Variants in ADAMTS18 observed in about 807,000 individuals in gnomAD.
ADAMTS18 encodes A disintegrin and metalloproteinase with thrombospondin motifs 18.
In ADAMTS18, 157 loss-of-function variants were observed where a neutral mutation model predicts 165.9. The observed-to-expected ratio is 0.95, with a 90% CI of 0.83 to 1.08. The LOEUF is 1.08. ADAMTS18 is among the 50% of genes least tolerant of loss of function. ADAMTS18 has a pLI of 0.00. For synonymous variants in ADAMTS18, 782 were observed against 578.2 expected, an observed-to-expected ratio of 1.35 and a Z score of -5.06; for missense variants, 2,040 against 1,534.0, an observed-to-expected ratio of 1.33 and a Z score of -5.51.
chr16:77,284,964 G>T (rs2055220121), intron 22 of ADAMTS18, among the ~76,000 whole-genome samples: 1 of 151,020 alleles, frequency 6.6e-6, no homozygotes, highest in African/African-American at 2.5e-5. Context: ...GTCTGTGTAG[G>T]TTTAAGTCAA....
At chr16:77,374,796 A>C in intron 3 of ADAMTS18, among the ~76,000 whole-genome samples, 1 of 152,214 alleles carries the variant, frequency 6.6e-6, no homozygotes, top group Non-Finnish European at 1.5e-5. Context: ...TATTGAGACA[A>C]ACACTTTGTC....
chr16:77,344,278 C>G (rs772216239), intron 10 of ADAMTS18, among the ~76,000 whole-genome samples: 1 of 151,854 alleles, frequency 6.6e-6, no homozygotes, highest in African/African-American at 2.4e-5. Context: ...ACACCACCAG[C>G]TGCCCCAGAT....
At chr16:77,285,036 T>C (rs1359152860) in intron 22 of ADAMTS18, among the ~76,000 whole-genome samples, 6 of 152,176 alleles carry the variant, frequency 3.9e-5, no homozygotes, top group Non-Finnish European at 8.8e-5. Flanking sequence ...ATTTCTTTAG[T>C]TGTTCAATGA....
At chr16:77,307,656 C>T (rs569314315) in intron 16 of ADAMTS18, among the ~76,000 whole-genome samples, 4 of 152,324 alleles carry the variant, frequency 2.6e-5, no homozygotes, top group South Asian at 2.1e-4. Context: ...ACCTCTGAAT[C>T]GTCCTCTCGA....
chr16:77,348,546 G>T (rs2056510415), intron 10 of ADAMTS18, among the ~76,000 whole-genome samples: 1 of 152,208 alleles, frequency 6.6e-6, no homozygotes, highest in South Asian at 2.1e-4. Context: ...GGTCAATCAG[G>T]TAAGTCACTC....
At chr16:77,390,699 G>GAA (rs572079107) in intron 3 of ADAMTS18, among the ~76,000 whole-genome samples, 135 of 132,424 alleles carry the variant, frequency 1.0e-3, no homozygotes, top group African/African-American at 3.3e-3. Flanking sequence ...CAAAAAAAAA[G>GAA]AAAAAAAAAA....
intron 10 of ADAMTS18, among the ~76,000 whole-genome samples, chr16:77,342,800 C>G (rs1384025696): frequency 6.6e-6 from 1 of 152,152 alleles, no homozygotes; most frequent in Non-Finnish European, 1.5e-5. Flanking sequence ...AGGTCATCAT[C>G]AATTGAAATG....
At chr16:77,319,502 G>A (rs2055948835) in intron 16 of ADAMTS18, among the ~76,000 whole-genome samples, 1 of 152,122 alleles carries the variant, frequency 6.6e-6, no homozygotes. Context: ...GAGTGCAGTG[G>A]CACATCTTGG....
At chr16:77,325,496 C>G (rs1188693034) in intron 13 of ADAMTS18, among the ~76,000 whole-genome samples, 2 of 151,906 alleles carry the variant, frequency 1.3e-5, no homozygotes, top group Non-Finnish European at 2.9e-5. Flanking sequence ...TGTACGGTGC[C>G]TCTATGGGGT....
At position 77,387,193 on chromosome 16, in the gene ADAMTS18, C is replaced by T. The variant is rs187868870; in HGVS notation, c.496-19470G>A. ...TCCAACTTTTTCCTCCTGCTGTCATCGATTTTCTTGGCTCACCTAACCATC... is the reference window on the plus strand; with the variant it reads ...TCCAACTTTTTCCTCCTGCTGTCATTGATTTTCTTGGCTCACCTAACCATC... On this transcript the variant is annotated intron_variant, in intron 3 of 22. Coordinates refer to ENST00000282849, the MANE Select transcript of ADAMTS18 (RefSeq NM_199355.4). Among the ~76,000 whole-genome samples the T allele has an allele frequency of 1.1e-4, 16 of 152,270 alleles. No individual in the cohort carries two copies. In the East Asian group the frequency reaches 2.9e-3, roughly 28 times the overall value.
intron 21 of ADAMTS18, among the ~76,000 whole-genome samples, chr16:77,289,632 CCCAAGAGTGTGTGTCTCCCAGT>C (rs1231271706): frequency 1.3e-5 from 2 of 152,176 alleles, no homozygotes; most frequent in African/African-American, 4.8e-5. Flanking sequence ...ATCTATCTAG[CCCAAGAGTGTGTGTCTCCCAGT>C]TAAGTGACTC....
At position 77,283,672 on chromosome 16, in the gene ADAMTS18, G is replaced by T. The variant is rs889065478; in HGVS notation, c.*284C>A. The T allele has an allele frequency of 1.4e-4, 56 of 393,952 alleles. No individual in the cohort carries two copies. Among genetic ancestry groups the T allele is most frequent in the Middle Eastern group, 7.7e-4 (1 of 1,304 alleles). 24.4% of individuals were successfully genotyped at this position (393,952 alleles called of 1,614,324 possible). On this transcript the variant is annotated 3_prime_UTR_variant, in exon 23 of 23. Coordinates refer to ENST00000282849, the MANE Select transcript of ADAMTS18 (RefSeq NM_199355.4). ...TCTCCCCAAATCGACGTATCTCAGTGTGATTCACCACTTCTTGCATATAAC... is the reference window on the plus strand; with the variant it reads ...TCTCCCCAAATCGACGTATCTCAGTTTGATTCACCACTTCTTGCATATAAC...
At chr16:77,311,706 T>TC (rs2055783807) in intron 16 of ADAMTS18, among the ~76,000 whole-genome samples, 1 of 24,094 alleles carries the variant, frequency 4.2e-5, no homozygotes. Flanking sequence ...TGGAGTTTTC[T>TC]TTTTTTTTTG....
chr16:77,404,041 C>T (rs867031673), intron 3 of ADAMTS18, among the ~76,000 whole-genome samples: 43 of 149,432 alleles, frequency 2.9e-4, no homozygotes, highest in African/African-American at 1.0e-3. Context: ...TCCTCCCTTC[C>T]TCCCTTCCTC....
At chr16:77,329,600 A>G (rs1385291107) in intron 12 of ADAMTS18, among the ~76,000 whole-genome samples, 1 of 152,166 alleles carries the variant, frequency 6.6e-6, no homozygotes, top group African/African-American at 2.4e-5. Flanking sequence ...ATGCTTTTGT[A>G]TTGAGTACCC....
At position 77,353,388 on chromosome 16, in the gene ADAMTS18, C is replaced by T. The variant is rs538329883; in HGVS notation, c.1614+345G>A. 8.8e-4 allele frequency among the ~76,000 whole-genome samples: 134 copies of T among 152,144 alleles called. 1 individual carries two copies. The highest frequency in any genetic ancestry group is 6.2e-4 in the Non-Finnish European group (42 of 68,016). ...ATTTGGGTATGGTGATGATTTGAAA[C>T]GAATTAAATTAACAGGGAATAGGAT... On this transcript the variant is annotated intron_variant, in intron 10 of 22. Coordinates refer to ENST00000282849, the MANE Select transcript of ADAMTS18 (RefSeq NM_199355.4).
chr16:77,335,664 A>G (rs2056297041), intron 12 of ADAMTS18, 92 bp downstream of exon 12: 1 of 1,492,202 alleles, frequency 6.7e-7, no homozygotes, highest in African/African-American at 1.4e-5. Flanking sequence ...TAAAAATAAA[A>G]AAATAAACTT....
intron 3 of ADAMTS18, among the ~76,000 whole-genome samples, chr16:77,390,759 C>A (rs1239175999): frequency 6.6e-6 from 1 of 151,902 alleles, no homozygotes; most frequent in Non-Finnish European, 1.5e-5. Flanking sequence ...CTCCCTTTAC[C>A]CCACCTGGTC....
intron 22 of ADAMTS18, among the ~76,000 whole-genome samples, 158 bp from the exon 23 acceptor site, chr16:77,284,229 G>C (rs910248549): frequency 1.3e-5 from 2 of 151,072 alleles, no homozygotes; most frequent in African/African-American, 4.9e-5. Context: ...AGGTTCAAAC[G>C]ATTCTCCTGC....
Sources: gnomAD v4.1 joint callset for allele counts (sites outside exome capture counted in the v4.1 genomes callset) on GRCh38, gnomAD v4.1.1 for gene constraint, MANE v1.5 for transcripts, NCBI Gene and HGNC (gene_info 2026-07-23, HGNC 2026-07-21) for gene names.